Variants in GPR19 observed in about 807,000 individuals in gnomAD.
The protein encoded by GPR19 is G protein-coupled receptor 19, also known as probable G protein-coupled receptor 19.
A neutral mutation model predicts 28.5 loss-of-function variants in GPR19; 14 were observed. That is an observed-to-expected ratio of 0.49 (90% CI 0.32 to 0.77). The LOEUF (loss-of-function observed/expected upper bound fraction) is 0.77. GPR19 is among the 30% of genes least tolerant of loss of function. The pLI, the probability that GPR19 is intolerant of heterozygous loss-of-function variation, is 0.03. For synonymous variants in GPR19, 173 were observed against 184.1 expected, an observed-to-expected ratio of 0.94 and a Z score of 0.49; for missense variants, 409 against 504.1, an observed-to-expected ratio of 0.81 and a Z score of 1.81.
At chr12:12,676,280 T>G (rs1272992388) in intron 3 of GPR19, among the ~76,000 whole-genome samples, 1 of 152,222 alleles carries the variant, frequency 6.6e-6, no homozygotes, top group Non-Finnish European at 1.5e-5. Flanking sequence ...CTTGAACCTC[T>G]GTTTCCATAT....
At chr12:12,688,358 T>A (rs1361923641) in intron 2 of GPR19, among the ~76,000 whole-genome samples, 1 of 151,792 alleles carries the variant, frequency 6.6e-6, no homozygotes, top group African/African-American at 2.4e-5. Flanking sequence ...TTTTTTTTTT[T>A]AATAAAAAGG....
chr12:12,686,772 G>A (rs1386049823), intron 2 of GPR19, among the ~76,000 whole-genome samples: 1 of 152,128 alleles, frequency 6.6e-6, no homozygotes, highest in Non-Finnish European at 1.5e-5. Context: ...AATGTGTTGT[G>A]ACTTACTACT....
rs963585190 is a variant in GPR19, at chr12:12,676,808, A to G, written c.-23+7543T>C. Among the ~76,000 whole-genome samples the G allele has an allele frequency of 2.6e-5, 4 of 152,344 alleles. No homozygotes were observed. The South Asian group carries it at 8.3e-4, about 32-fold the overall frequency. On this transcript the variant is annotated intron_variant, in intron 3 of 3. Coordinates refer to ENST00000651487, the MANE Select transcript of GPR19 (RefSeq NM_006143.3). ...AAAACAATTTGGCCAAGGAATTTGC[A>G]CCTCACTAAATTCAATTCACTACAG...
chr12:12,679,740 G>A (rs1384369529), intron 3 of GPR19, among the ~76,000 whole-genome samples: 1 of 151,956 alleles, frequency 6.6e-6, no homozygotes, highest in Non-Finnish European at 1.5e-5. Flanking sequence ...GGCCCCAAAT[G>A]CCAATAGTGC....
At chr12:12,677,974 A>G (rs1395383152) in intron 3 of GPR19, among the ~76,000 whole-genome samples, 2 of 150,272 alleles carry the variant, frequency 1.3e-5, no homozygotes, top group African/African-American at 4.9e-5. Context: ...CTCAGGAGGC[A>G]GAGGCAGGAG....
the GPR19 span, chr12:12,717,219 G>A: frequency 9.5e-7 from 1 of 1,048,424 alleles, no homozygotes; most frequent in South Asian, 4.5e-5. Flanking sequence ...CGCTCGGGGA[G>A]GCGGCGCGCT....
intron 3 of GPR19, among the ~76,000 whole-genome samples, chr12:12,673,153 T>C (rs1945877272): frequency 6.6e-6 from 1 of 152,158 alleles, no homozygotes; most frequent in Non-Finnish European, 1.5e-5. Context: ...AAGATAATAA[T>C]TTCCCCACCA....
chr12:12,692,371 G>A (rs1036560660), intron 2 of GPR19, among the ~76,000 whole-genome samples: 5 of 142,146 alleles, frequency 3.5e-5, no homozygotes, highest in East Asian at 2.1e-4. Flanking sequence ...GTGATGACTC[G>A]CTGCTGGCTT....
chr12:12,716,616 T>TG, the GPR19 span: 3 of 364,758 alleles, frequency 8.2e-6, no homozygotes, highest in Admixed American at 6.6e-5. Flanking sequence ...GTTTTTTGTT[T>TG]TTTTTTTTTA....
At chr12:12,671,976 C>T (rs1167469226) in intron 3 of GPR19, among the ~76,000 whole-genome samples, 1 of 152,084 alleles carries the variant, frequency 6.6e-6, no homozygotes, top group Non-Finnish European at 1.5e-5. Context: ...AAGCAAAAGC[C>T]GTGAGGACCA....
intron 3 of GPR19, among the ~76,000 whole-genome samples, chr12:12,681,625 G>C (rs576495989): frequency 6.6e-6 from 1 of 152,326 alleles, no homozygotes; most frequent in Non-Finnish European, 1.5e-5. Flanking sequence ...TTGCCAGCTG[G>C]TTTGTGCTTC....
At chr12:12,717,086 C>T in the GPR19 span, 1 of 1,010,462 alleles carries the variant, frequency 9.9e-7, no homozygotes, top group Non-Finnish European at 1.2e-6. Context: ...GGCCCCGCCC[C>T]AGGTTCCCGG....
At chr12:12,716,858 C>T in the GPR19 span, 1 of 984,472 alleles carries the variant, frequency 1.0e-6, no homozygotes, top group Non-Finnish European at 1.2e-6. Context: ...CCAGCCCCCC[C>T]AGCAAACGCT....
At chr12:12,665,048 A>G (rs1341633657) in intron 3 of GPR19, among the ~76,000 whole-genome samples, 1 of 151,988 alleles carries the variant, frequency 6.6e-6, no homozygotes, top group Non-Finnish European at 1.5e-5. Flanking sequence ...TCATGTGTGT[A>G]AAACCTATTA....
At chr12:12,717,242 G>A in the GPR19 span, 2 of 1,054,044 alleles carry the variant, frequency 1.9e-6, no homozygotes, top group African/African-American at 1.7e-5. Context: ...GGAACGAGGG[G>A]AGGTGGCGGA....
chr12:12,716,211 G>A, the GPR19 span, among the ~76,000 whole-genome samples: 1 of 152,178 alleles, frequency 6.6e-6, no homozygotes, highest in Non-Finnish European at 1.5e-5. Flanking sequence ...TACTAGTATC[G>A]GACGTTAGGA....
At chr12:12,701,625 T>G in the GPR19 span, among the ~76,000 whole-genome samples, 3 of 152,186 alleles carry the variant, frequency 2.0e-5, no homozygotes, top group Non-Finnish European at 4.4e-5. Context: ...TAAAATCCAT[T>G]GAGTTCTAAA....
intron 3 of GPR19, among the ~76,000 whole-genome samples, chr12:12,665,698 A>C (rs1945762427): frequency 6.6e-6 from 1 of 151,430 alleles, no homozygotes. Flanking sequence ...TTAGCCGGGC[A>C]TGGTGGTGGG....
chr12:12,710,353 C>A, the GPR19 span, among the ~76,000 whole-genome samples: 1 of 18,842 alleles, frequency 5.3e-5, no homozygotes, highest in African/African-American at 8.7e-5. Context: ...AGCTCCATCT[C>A]CAAAAAAAAA....
Sources: allele counts gnomAD v4.1 joint callset (sites outside exome capture counted in the v4.1 genomes callset), GRCh38; gene constraint gnomAD v4.1.1; transcripts MANE v1.5; gene names NCBI Gene and HGNC (gene_info 2026-07-23, HGNC 2026-07-21).